The following CFAP69 variants were observed in gnomAD, a reference collection of about 807,000 sequenced individuals.
CFAP69 encodes cilia and flagella associated protein 69.
A neutral mutation model predicts 123.0 loss-of-function variants in CFAP69; 92 were observed. That is an observed-to-expected ratio of 0.75 (90% CI 0.63 to 0.89). The LOEUF (loss-of-function observed/expected upper bound fraction) is 0.89. Ranked by LOEUF, CFAP69 falls within the 40% of genes least tolerant of loss-of-function variation. The probability of loss-of-function intolerance (pLI) is 0.00; values close to 1 mark genes in which losing one functional copy is unlikely to be tolerated. For missense variants in CFAP69, 1,067 were observed against 1,096.9 expected, an observed-to-expected ratio of 0.97 and a Z score of 0.39; for synonymous variants, 380 against 364.3, an observed-to-expected ratio of 1.04 and a Z score of -0.49.
At chr7:90,263,512 G>T (rs1044275397) in intron 4 of CFAP69, among the ~76,000 whole-genome samples, 2 of 152,056 alleles carry the variant, frequency 1.3e-5, no homozygotes, top group African/African-American at 4.8e-5. Flanking sequence ...TGTGTCCTTT[G>T]CTAGAAAAGG....
intron 1 of CFAP69, among the ~76,000 whole-genome samples, chr7:90,246,368 A>G (rs1796326161): frequency 1.3e-5 from 2 of 152,146 alleles, no homozygotes; most frequent in South Asian, 2.1e-4. Context: ...CCTGCCTCAC[A>G]CTAATGGTGT....
chr7:90,276,660 A>T (rs1788659805), intron 9 of CFAP69, among the ~76,000 whole-genome samples: 1 of 152,186 alleles, frequency 6.6e-6, no homozygotes, highest in Non-Finnish European at 1.5e-5. Context: ...GTTGGGGTAG[A>T]AGTGGAAGTG....
At chr7:90,292,321 T>G (rs1791324706) in intron 15 of CFAP69, among the ~76,000 whole-genome samples, 1 of 152,200 alleles carries the variant, frequency 6.6e-6, no homozygotes, top group Non-Finnish European at 1.5e-5. Context: ...CTCCTGGGCC[T>G]GTCAGAAAGT....
chr7:90,266,630 C>T (rs1021297742), intron 5 of CFAP69, among the ~76,000 whole-genome samples: 2 of 151,946 alleles, frequency 1.3e-5, no homozygotes, highest in Non-Finnish European at 2.9e-5. Context: ...ATGACTGGTA[C>T]CCTGCCTGCA....
intron 1 of CFAP69, among the ~76,000 whole-genome samples, chr7:90,253,137 C>A (rs935652678): frequency 1.3e-5 from 2 of 152,052 alleles, no homozygotes; most frequent in African/African-American, 4.8e-5. Flanking sequence ...TAGAAGTAAG[C>A]GTGAAAGCAG....
chr7:90,285,679 T>C (rs1430064199), intron 13 of CFAP69, among the ~76,000 whole-genome samples: 1 of 152,188 alleles, frequency 6.6e-6, no homozygotes, highest in Non-Finnish European at 1.5e-5. Flanking sequence ...ATTGACCCTG[T>C]TAACCATGAG....
chr7:90,288,192 T>C, intron 14 of CFAP69, 42 bp from the exon 15 acceptor site: 1 of 1,487,042 alleles, frequency 6.7e-7, no homozygotes, highest in Non-Finnish European at 9.3e-7. Flanking sequence ...AGGAATTATT[T>C]ATTTATTTCA....
At chr7:90,307,699 G>A in intron 20 of CFAP69, 69 bp from the exon 21 acceptor site, 1 of 954,782 alleles carries the variant, frequency 1.0e-6, no homozygotes, top group Non-Finnish European at 1.6e-6. Context: ...GGGTGACAGA[G>A]TGAGGTTCTG....
At chr7:90,255,514 T>G in intron 2 of CFAP69, 32 bp downstream of exon 2, 1 of 1,496,018 alleles carries the variant, frequency 6.7e-7, no homozygotes, top group African/African-American at 1.4e-5. Context: ...ATTACTCCGC[T>G]GCATTACTTA....
intron 9 of CFAP69, 68 bp downstream of exon 9, chr7:90,274,178 T>C (rs1562873672): frequency 8.5e-6 from 13 of 1,538,050 alleles, no homozygotes; most frequent in East Asian, 4.7e-5. Flanking sequence ...AGAAGTCCTA[T>C]ATTATGTTGG....
intron 18 of CFAP69, 53 bp from the exon 19 acceptor site, chr7:90,304,690 CT>C: frequency 6.9e-7 from 1 of 1,451,762 alleles, no homozygotes. Flanking sequence ...TAGATAGATT[CT>C]TAGAATCACT....
intron 2 of CFAP69, among the ~76,000 whole-genome samples, chr7:90,256,491 C>T (rs1797666538): frequency 6.7e-6 from 1 of 149,876 alleles, no homozygotes; most frequent in Non-Finnish European, 1.5e-5. Context: ...CAAACCTTCA[C>T]ATTCTGCATG....
chr7:90,297,614 G>A (rs770871580), intron 15 of CFAP69, 135 bp from the exon 16 acceptor site: 167 of 533,012 alleles, frequency 3.1e-4, no homozygotes, highest in Non-Finnish European at 4.6e-4. Context: ...ATTTTTTTAG[G>A]TAAAAACATT....
At chr7:90,299,508 G>A (rs1400595650) in intron 16 of CFAP69, among the ~76,000 whole-genome samples, 1 of 152,100 alleles carries the variant, frequency 6.6e-6, no homozygotes, top group African/African-American at 2.4e-5. Context: ...AAATTGGAAA[G>A]ATCCTGTAAT....
intron 16 of CFAP69, among the ~76,000 whole-genome samples, chr7:90,299,504 G>C (rs1203563447): frequency 2.0e-5 from 3 of 152,062 alleles, no homozygotes; most frequent in Non-Finnish European, 1.5e-5. Context: ...ATATAAATTG[G>C]AAAGATCCTG....
downstream of CFAP69, among the ~76,000 whole-genome samples, chr7:90,313,460 T>C (rs771875389): frequency 3.3e-5 from 5 of 152,200 alleles, no homozygotes; most frequent in Non-Finnish European, 7.3e-5. Context: ...CAAAATTCTA[T>C]AGATAGACCC....
chr7:90,321,173 G>C, the CFAP69 span: 3 of 152,300 alleles, frequency 2.0e-5, no homozygotes, highest in Non-Finnish European at 4.4e-5. Flanking sequence ...AGCGCTCACC[G>C]GGCGCCCAAG....
intron 15 of CFAP69, among the ~76,000 whole-genome samples, 172 bp from the exon 16 acceptor site, chr7:90,297,577 A>T (rs3761803): frequency 0.02 from 2,998 of 152,330 alleles, 96 homozygotes; most frequent in East Asian, 0.11. Flanking sequence ...AAACTGAACA[A>T]CGCTGGTAAA....
chr7:90,253,977 A>G (rs1797333827), intron 1 of CFAP69, among the ~76,000 whole-genome samples: 1 of 152,062 alleles, frequency 6.6e-6, no homozygotes, highest in Non-Finnish European at 1.5e-5. Context: ...GGGGTCTTAT[A>G]TTTAAGTCTT....
Sources: gnomAD v4.1 joint callset for allele counts (sites outside exome capture counted in the v4.1 genomes callset) on GRCh38, gnomAD v4.1.1 for gene constraint, MANE v1.5 for transcripts, NCBI Gene and HGNC (gene_info 2026-07-23, HGNC 2026-07-21) for gene names.